LHPP: variants seen among roughly 807,000 people sequenced by gnomAD.
LHPP encodes the protein hLHPP.
LHPP carries 24 observed loss-of-function variants against 30.3 expected under a neutral mutation model. The ratio of observed to expected loss-of-function variants is 0.79; its 90% confidence interval spans 0.57 to 1.11. The LOEUF is 1.11. Ranked by LOEUF, LHPP falls within the 50% of genes most tolerant of loss-of-function variation. The pLI is 0.00. For synonymous variants in LHPP, 150 were observed against 157.1 expected, an observed-to-expected ratio of 0.95 and a Z score of 0.34; for missense variants, 356 against 367.2, an observed-to-expected ratio of 0.97 and a Z score of 0.25.
In LHPP at chr10:124,523,962, T is replaced by C. The variant is rs1270417066; in HGVS notation, c.716+6691T>C. On this transcript the variant is annotated intron_variant, in intron 6 of 6. Transcript: ENST00000368842. The surrounding 1 kb of genome is among the most constrained non-coding windows in gnomAD (Gnocchi z 4.2). ...GGCTTCTGGTGTAGGTGGGCACTTC[T>C]GGGCTCAGAGGGGTCATTTAGCTCA... Among the ~76,000 whole-genome samples the C allele has an allele frequency of 6.6e-6, 1 of 152,208 alleles. No individual in the cohort carries two copies. The highest frequency in any genetic ancestry group is 2.4e-5 in the African/African-American group (1 of 41,456).
Position 124,550,023 on chromosome 10 carries a change from G to T in LHPP, c.716+32752G>T, listed in dbSNP as rs1309271016. On this transcript the variant is annotated intron_variant, in intron 6 of 6. Coordinates refer to ENST00000368842, the MANE Select transcript of LHPP (RefSeq NM_022126.4). ...AGGTGTCCTGACCTTGGCATGCAGG[G>T]TGGATGGGCCAGGCTTCCAGCCAGT... 2.0e-5 allele frequency among the ~76,000 whole-genome samples: 3 copies of T among 152,380 alleles called. No homozygotes were observed. In the East Asian group the frequency reaches 5.8e-4, roughly 29 times the overall value.
chr10:124,605,863 A>C (rs1949085255), intron 6 of LHPP, among the ~76,000 whole-genome samples: 1 of 151,716 alleles, frequency 6.6e-6, no homozygotes, highest in Non-Finnish European at 1.5e-5. Flanking sequence ...GGGAAGGGGA[A>C]GGGAACAGGC....
rs112607010 is a variant in LHPP, at chr10:124,555,606, T to A, written c.716+38335T>A. On this transcript the variant is annotated intron_variant, in intron 6 of 6. Transcript: ENST00000368842. ...GCAGAGGGCACCTGTAGGGCTGGCC[T>A]TATTGGAGTCCCTCCTTTCTAGGCC... is the stretch of plus-strand genomic sequence containing the variant. Among the ~76,000 whole-genome samples, 12 of 152,342 alleles carry A rather than the reference T, an allele frequency of 7.9e-5. 1 individual carries two copies. The highest frequency in any genetic ancestry group is 2.4e-4 in the African/African-American group (10 of 41,582).
chr10:124,580,529 C>T (rs1227664324), intron 6 of LHPP, among the ~76,000 whole-genome samples: 1 of 152,184 alleles, frequency 6.6e-6, no homozygotes, highest in African/African-American at 2.4e-5. Context: ...TTTTCTCTCA[C>T]TGACTTATAA....
Position 124,501,104 on chromosome 10 carries a change from G to A in LHPP, c.624+2976G>A, listed in dbSNP as rs565780583. 3.3e-5 allele frequency among the ~76,000 whole-genome samples: 5 copies of A among 152,126 alleles called. No individual in the cohort carries two copies. In the South Asian group the frequency reaches 1.0e-3, roughly 32 times the overall value. ...ATGAAGTTCTGACACATGCTACAGT[G>A]TAGATGAACCTTGGTAGCATTATGC... On this transcript the variant is annotated intron_variant, in intron 5 of 6. Transcript: ENST00000368842.
At chr10:124,462,116 C>T (rs1952419180) in intron 1 of LHPP, 129 bp downstream of exon 1, 3 of 859,076 alleles carry the variant, frequency 3.5e-6, no homozygotes, top group Admixed American at 4.9e-5. Flanking sequence ...CTCCCCCTTC[C>T]CACCCCGGTG....
At chr10:124,588,875 G>A (rs1441136791) in intron 6 of LHPP, among the ~76,000 whole-genome samples, 1 of 152,042 alleles carries the variant, frequency 6.6e-6, no homozygotes, top group Non-Finnish European at 1.5e-5. Flanking sequence ...CTCCACACAT[G>A]TTGCACAGTG....
chr10:124,527,109 C>A (rs1954760692), intron 6 of LHPP, among the ~76,000 whole-genome samples: 1 of 152,252 alleles, frequency 6.6e-6, no homozygotes, highest in South Asian at 2.1e-4. Flanking sequence ...CCTCTCGCTG[C>A]CCACAGGGCT....
chr10:124,541,110 A>G lies in LHPP; in HGVS notation c.716+23839A>G, dbSNP rs7903641. Among the ~76,000 whole-genome samples the G allele has an allele frequency of 0.99, 150,491 of 152,284 alleles. 74,379 individuals are homozygous for G. The highest frequency in any genetic ancestry group is 1 in the East Asian group (5,186 of 5,186). On this transcript the variant is annotated intron_variant, in intron 6 of 6. Coordinates refer to ENST00000368842, the MANE Select transcript of LHPP (RefSeq NM_022126.4). The surrounding 1 kb of genome is among the most constrained non-coding windows in gnomAD (Gnocchi z 4.2). ...TGGCCCTGGGCCCTGGGATGGCCGG[A>G]GGAGAGCCTGCCATACCCACGCAGT...
At chr10:124,557,311 C>G (rs774483337) in intron 6 of LHPP, among the ~76,000 whole-genome samples, 1 of 152,222 alleles carries the variant, frequency 6.6e-6, no homozygotes. Context: ...AGAAGGCCCA[C>G]GCGAACGGGC....
At chr10:124,610,794 G>A (rs1949176602) in intron 6 of LHPP, among the ~76,000 whole-genome samples, 1 of 103,546 alleles carries the variant, frequency 9.7e-6, no homozygotes, top group African/African-American at 3.8e-5. Context: ...GCGGGTGAGG[G>A]TGCGGGTGAG....
chr10:124,614,040 A>G lies in LHPP; in HGVS notation c.*680A>G, dbSNP rs2134026680. On this transcript the variant is annotated 3_prime_UTR_variant, in exon 7 of 7. Transcript: ENST00000368842. ...ACTGTAGCCTCTGCGTCCAAGGCAC[A>G]CAGGGTACTTTCTGGACCCACTGCT... 1 of 153,206 alleles carries G rather than the reference A, an allele frequency of 6.5e-6. No individual in the cohort carries two copies. The highest frequency in any genetic ancestry group is 1.9e-4 in the East Asian group (1 of 5,200). 9.5% of individuals were successfully genotyped at this position (153,206 alleles called of 1,614,324 possible). A position where few individuals can be genotyped will look rare whatever the true frequency, so the allele number is the denominator to read the frequency against.
intron 6 of LHPP, among the ~76,000 whole-genome samples, chr10:124,573,293 A>T (rs1429467563): frequency 6.6e-6 from 1 of 152,210 alleles, no homozygotes. Context: ...TGGTACCCAC[A>T]CTATTCATGA....
At chr10:124,486,928 C>T (rs2133853571) in intron 2 of LHPP, among the ~76,000 whole-genome samples, 1 of 152,352 alleles carries the variant, frequency 6.6e-6, no homozygotes, top group South Asian at 2.1e-4. Flanking sequence ...TGAAGACAGG[C>T]CTTTTTTGGA....
intron 6 of LHPP, among the ~76,000 whole-genome samples, chr10:124,584,808 T>C (rs1484500981): frequency 6.6e-6 from 1 of 152,212 alleles, no homozygotes; most frequent in Admixed American, 6.5e-5. Context: ...CAAGTATCAT[T>C]AATCCAAAAA....
chr10:124,577,503 A>G (rs12250595), intron 6 of LHPP, among the ~76,000 whole-genome samples: 31,066 of 152,136 alleles, frequency 0.2, 3,688 homozygotes, highest in South Asian at 0.33. Flanking sequence ...TCCCCAGGGA[A>G]TCTGAGGCTC....
At chr10:124,497,378 G>C (rs1250846783) in intron 4 of LHPP, among the ~76,000 whole-genome samples, 2 of 152,090 alleles carry the variant, frequency 1.3e-5, no homozygotes, top group African/African-American at 4.8e-5. Flanking sequence ...CGGGCTTGTG[G>C]CTTCTGTATC....
At chr10:124,535,116 T>C (rs1954991627) in intron 6 of LHPP, among the ~76,000 whole-genome samples, 1 of 152,228 alleles carries the variant, frequency 6.6e-6, no homozygotes, top group African/African-American at 2.4e-5. Context: ...GCAACATGTC[T>C]TCTTCCTAAG....
At chr10:124,527,319 A>C (rs745753575) in intron 6 of LHPP, among the ~76,000 whole-genome samples, 1 of 152,236 alleles carries the variant, frequency 6.6e-6, no homozygotes, top group Non-Finnish European at 1.5e-5. Context: ...AAGGAAGGAA[A>C]GGGGGCTCAG....
Sources: gnomAD v4.1 joint callset for allele counts (sites outside exome capture counted in the v4.1 genomes callset) on GRCh38, gnomAD v4.1.1 for gene constraint, Gnocchi (gnomAD v3.1) non-coding constraint, MANE v1.5 for transcripts, NCBI Gene and HGNC (gene_info 2026-07-23, HGNC 2026-07-21) for gene names.